PCP4: variants seen among roughly 807,000 people sequenced by gnomAD.
PCP4 encodes calmodulin regulator protein PCP4.
A neutral mutation model predicts 10.0 loss-of-function variants in PCP4; 8 were observed. That is an observed-to-expected ratio of 0.80 (90% CI 0.47 to 1.45). The LOEUF is 1.45. Among genes scored for constraint, PCP4 ranks in the 40% most tolerant of loss-of-function variants. The probability of loss-of-function intolerance (pLI) is 0.00; values close to 1 mark genes in which losing one functional copy is unlikely to be tolerated. For missense variants in PCP4, 54 were observed against 74.4 expected, an observed-to-expected ratio of 0.73 and a Z score of 1.01; for synonymous variants, 21 against 23.0, an observed-to-expected ratio of 0.91 and a Z score of 0.24.
At chr21:39,923,213 T>A (rs1027620426) in intron 2 of PCP4, among the ~76,000 whole-genome samples, 1 of 152,118 alleles carries the variant, frequency 6.6e-6, no homozygotes, top group Non-Finnish European at 1.5e-5. Flanking sequence ...TGTAGTGGAG[T>A]TGAGCAAAGA....
chr21:39,898,361 A>G (rs1395787334), intron 1 of PCP4, 115 bp from the exon 2 acceptor site: 1 of 869,290 alleles, frequency 1.2e-6, no homozygotes, highest in African/African-American at 1.6e-5. Flanking sequence ...CATCTGAGCT[A>G]AAGTAACATA....
intron 2 of PCP4, 72 bp downstream of exon 2, chr21:39,898,599 A>G (rs933669957): frequency 8.7e-7 from 1 of 1,152,110 alleles, no homozygotes; most frequent in East Asian, 2.4e-5. Flanking sequence ...GCAGGTGCGG[A>G]TCATACATCC....
chr21:39,878,207 A>G (rs1470969570), intron 1 of PCP4, among the ~76,000 whole-genome samples: 1 of 152,200 alleles, frequency 6.6e-6, no homozygotes, highest in Non-Finnish European at 1.5e-5. Flanking sequence ...AAGTGCCAGG[A>G]TGCATGGGTT....
At position 39,904,770 on chromosome 21, in the gene PCP4, G is replaced by A. The variant is rs112896885; in HGVS notation, c.61+6243G>A. Among the ~76,000 whole-genome samples the A allele has an allele frequency of 1.7e-3, 265 of 152,280 alleles. 3 individuals are homozygous for A. The highest frequency in any genetic ancestry group is 6.2e-3 in the African/African-American group (257 of 41,570). On this transcript the variant is annotated intron_variant, in intron 2 of 2. Transcript: ENST00000328619. Reference sequence around the variant, plus strand: ...TTTTGCTGTTCCTGTAGGCCAGAGGGTGCAGGTGTCTGGAATCCAGGGGGA... The same window carrying A: ...TTTTGCTGTTCCTGTAGGCCAGAGGATGCAGGTGTCTGGAATCCAGGGGGA...
intron 1 of PCP4, among the ~76,000 whole-genome samples, chr21:39,887,525 G>A (rs1402048520): frequency 1.3e-5 from 2 of 152,160 alleles, no homozygotes; most frequent in Non-Finnish European, 2.9e-5. Flanking sequence ...GTCACAAAAT[G>A]TAGGCATAAA....
At chr21:39,897,018 G>T (rs539503098) in intron 1 of PCP4, among the ~76,000 whole-genome samples, 1 of 152,218 alleles carries the variant, frequency 6.6e-6, no homozygotes, top group Admixed American at 6.5e-5. Context: ...CCAGGCTCCA[G>T]TCTTGACTCT....
chr21:39,917,397 C>A (rs1188914572), intron 2 of PCP4, among the ~76,000 whole-genome samples: 1 of 152,188 alleles, frequency 6.6e-6, no homozygotes, highest in Non-Finnish European at 1.5e-5. Flanking sequence ...GCCTGGCCAG[C>A]CCTCACCTGT....
At chr21:39,926,178 G>C (rs577801396) in intron 2 of PCP4, 1 of 385,542 alleles carries the variant, frequency 2.6e-6, no homozygotes, top group Admixed American at 3.1e-5. Flanking sequence ...CAGAAAAGTA[G>C]CGATTCCTTA....
chr21:39,910,056 A>G (rs1699552558), intron 2 of PCP4, among the ~76,000 whole-genome samples: 1 of 152,032 alleles, frequency 6.6e-6, no homozygotes, highest in African/African-American at 2.4e-5. Context: ...TCGGCCTCCC[A>G]AGCCTTCTTC....
At chr21:39,900,517 A>T (rs2087477914) in intron 2 of PCP4, among the ~76,000 whole-genome samples, 1 of 152,168 alleles carries the variant, frequency 6.6e-6, no homozygotes. Flanking sequence ...TATTGAGGGG[A>T]GTTACCTATA....
chr21:39,911,336 C>G (rs2087539082), intron 2 of PCP4, among the ~76,000 whole-genome samples: 1 of 152,134 alleles, frequency 6.6e-6, no homozygotes, highest in Non-Finnish European at 1.5e-5. Context: ...GACAGTAAAA[C>G]AGGGAAACAG....
intron 1 of PCP4, among the ~76,000 whole-genome samples, chr21:39,884,238 G>T (rs1162857024): frequency 6.6e-6 from 1 of 151,350 alleles, no homozygotes; most frequent in Non-Finnish European, 1.5e-5. Flanking sequence ...GGAGTGCAAT[G>T]GTGTGATCTT....
chr21:39,880,430 T>C (rs2065316), intron 1 of PCP4, among the ~76,000 whole-genome samples: 102,862 of 152,190 alleles, frequency 0.68, 36,570 homozygotes, highest in African/African-American at 0.91. Flanking sequence ...TTGGCATATG[T>C]ATGTGCATGT....
intron 2 of PCP4, among the ~76,000 whole-genome samples, chr21:39,921,379 C>A (rs367777400): frequency 1.3e-5 from 2 of 152,180 alleles, no homozygotes; most frequent in Admixed American, 6.5e-5. Context: ...TGATCTTAAG[C>A]GAGGCCCTTC....
At chr21:39,884,611 A>C (rs1358461020) in intron 1 of PCP4, among the ~76,000 whole-genome samples, 1 of 151,972 alleles carries the variant, frequency 6.6e-6, no homozygotes. Context: ...AGCCTGGCCA[A>C]CATGGCAAAA....
At chr21:39,886,852 G>A (rs2087402832) in intron 1 of PCP4, among the ~76,000 whole-genome samples, 1 of 152,192 alleles carries the variant, frequency 6.6e-6, no homozygotes, top group South Asian at 2.1e-4. Context: ...ATAAGAAGAT[G>A]AAAAGAAAAT....
At chr21:39,914,364 A>G (rs1384178126) in intron 2 of PCP4, among the ~76,000 whole-genome samples, 1 of 152,188 alleles carries the variant, frequency 6.6e-6, no homozygotes, top group Non-Finnish European at 1.5e-5. Context: ...ACCTGAGGTC[A>G]GGAGTTCGAG....
At chr21:39,926,126 G>A in intron 2 of PCP4, 1 of 454,392 alleles carries the variant, frequency 2.2e-6, no homozygotes, top group South Asian at 1.6e-5. Flanking sequence ...AACAGCATCT[G>A]ACCTTCCCCG....
chr21:39,911,370 G>A (rs1475105423), intron 2 of PCP4, among the ~76,000 whole-genome samples: 2 of 152,154 alleles, frequency 1.3e-5, no homozygotes, highest in Non-Finnish European at 2.9e-5. Flanking sequence ...GGATCTTTCT[G>A]TAGCATATGT....
Sources: allele counts gnomAD v4.1 joint callset (sites outside exome capture counted in the v4.1 genomes callset), GRCh38; gene constraint gnomAD v4.1.1; transcripts MANE v1.5; gene names NCBI Gene and HGNC (gene_info 2026-07-23, HGNC 2026-07-21).